CNR2: variants seen among roughly 807,000 people sequenced by gnomAD.
CNR2 encodes the protein cannabinoid receptor 2, also known as cannabinoid receptor 2 (macrophage).
For missense variants in CNR2, 379 were observed against 439.9 expected (o/e 0.86, Z 1.24); for synonymous variants, 172 against 182.2 (o/e 0.94, Z 0.45).
At chr1:23,881,367 C>A (rs776969544) in intron 1 of CNR2, among the ~76,000 whole-genome samples, 7 of 151,804 alleles carry the variant, frequency 4.6e-5, no homozygotes, top group Non-Finnish European at 1.0e-4. Flanking sequence ...GAGGCCGAGG[C>A]GGGCAGATCA....
At chr1:23,893,268 C>A (rs2501399) in intron 1 of CNR2, among the ~76,000 whole-genome samples, 124,294 of 152,030 alleles carry the variant, frequency 0.82, 50,916 homozygotes, top group Admixed American at 0.84. Context: ...CATCTCCAGC[C>A]TCTCTCCTGG....
chr1:23,888,681 A>T (rs1048394685), intron 1 of CNR2, among the ~76,000 whole-genome samples: 4 of 152,176 alleles, frequency 2.6e-5, no homozygotes, highest in Non-Finnish European at 5.9e-5. Context: ...TGATTAAAAA[A>T]GAAAAAAGGC....
intron 1 of CNR2, among the ~76,000 whole-genome samples, chr1:23,892,668 G>T (rs2501398): frequency 0.81 from 123,638 of 152,078 alleles, 50,368 homozygotes; most frequent in Admixed American, 0.83. Flanking sequence ...CTAATGCCTT[G>T]CTTTTATTTT....
intron 1 of CNR2, chr1:23,907,744 C>G (rs982801627): frequency 6.6e-6 from 1 of 152,126 alleles, no homozygotes; most frequent in African/African-American, 2.4e-5. Flanking sequence ...CCACCCACCT[C>G]AGCCTCCCAA....
At chr1:23,903,079 GGGC>G (rs57812017) in intron 1 of CNR2, among the ~76,000 whole-genome samples, 5 of 150,666 alleles carry the variant, frequency 3.3e-5, no homozygotes, top group South Asian at 2.1e-4. Flanking sequence ...CACCATTCAT[GGGC>G]GGCGGCGGCG....
At chr1:23,907,466 G>C (rs1177690630) in intron 1 of CNR2, among the ~76,000 whole-genome samples, 2 of 151,080 alleles carry the variant, frequency 1.3e-5, no homozygotes, top group Non-Finnish European at 2.9e-5. Context: ...ATCTGCAGAG[G>C]AGTTAACACC....
At chr1:23,913,093 T>TGAGGGG (rs749625302) in intron 1 of CNR2, among the ~76,000 whole-genome samples, 153 bp downstream of exon 1, 1 of 16,932 alleles carries the variant, frequency 5.9e-5, no homozygotes, top group Non-Finnish European at 1.0e-3. Flanking sequence ...CTTGAACCTG[T>TGAGGGG]GAGGCTGCAC....
chr1:23,882,817 T>C (rs1640016319), intron 1 of CNR2, among the ~76,000 whole-genome samples: 1 of 151,946 alleles, frequency 6.6e-6, no homozygotes, highest in African/African-American at 2.4e-5. Flanking sequence ...GAGACTCTGT[T>C]CTCAATAAAT....
intron 1 of CNR2, among the ~76,000 whole-genome samples, chr1:23,897,445 T>C (rs2148467155): frequency 6.6e-6 from 1 of 151,164 alleles, no homozygotes; most frequent in African/African-American, 2.4e-5. Flanking sequence ...ACTGAGAACT[T>C]AAAAAAAATT....
intron 1 of CNR2, among the ~76,000 whole-genome samples, chr1:23,876,073 T>G (rs1639869110): frequency 6.6e-6 from 1 of 152,188 alleles, no homozygotes; most frequent in African/African-American, 2.4e-5. Context: ...AATTTGCCAA[T>G]TTCGGCAAGT....
chr1:23,898,641 A>ATTTTT (rs71026701), intron 1 of CNR2, among the ~76,000 whole-genome samples: 1 of 25,298 alleles, frequency 4.0e-5, no homozygotes, highest in African/African-American at 1.7e-4. Context: ...CGCCTGGCCA[A>ATTTTT]TTTTTTTTTT....
chr1:23,874,472 C>T lies in CNR2; in HGVS notation c.*63G>A, dbSNP rs551688994. ...GTAAGAAGAGAGTGCCAAGACCCCT[C>T]TCTCTCTTCCAGGGAGTGAACTGAT... On this transcript the variant is annotated 3_prime_UTR_variant, in exon 2 of 2. Transcript: ENST00000374472. 6.6e-7 allele frequency: 1 copy of T among 1,526,574 alleles called. No homozygotes were observed. The highest frequency in any genetic ancestry group is 1.4e-5 in the African/African-American group (1 of 72,220). The allele number at this position is 1,526,574 out of a possible 1,614,324, so 94.6% of individuals were successfully genotyped here. A position where few individuals can be genotyped will look rare whatever the true frequency, so the allele number is the denominator to read the frequency against.
intron 1 of CNR2, among the ~76,000 whole-genome samples, chr1:23,906,555 T>TG (rs1297680617): frequency 6.6e-6 from 1 of 150,376 alleles, no homozygotes; most frequent in Non-Finnish European, 1.5e-5. Flanking sequence ...TCTTTTTTTT[T>TG]TTTTAGAGAT....
In CNR2 at chr1:23,882,252, G is replaced by A. The variant is rs111910545; in HGVS notation, c.-45-6590C>T. 1.5e-4 allele frequency among the ~76,000 whole-genome samples: 23 copies of A among 152,088 alleles called. 1 individual carries two copies. The highest frequency in any genetic ancestry group is 3.6e-4 in the African/African-American group (15 of 41,498). ...GTATGGATCTTTAAAAACACACTTC[G>A]GGATCCCTTCGTAGTTCATAAGCGT... On this transcript the variant is annotated intron_variant, in intron 1 of 1. Transcript: ENST00000374472.
intron 1 of CNR2, among the ~76,000 whole-genome samples, chr1:23,912,879 G>A (rs924612294): frequency 1.9e-4 from 29 of 152,264 alleles, no homozygotes; most frequent in African/African-American, 7.0e-4. Context: ...TAAGAATACA[G>A]GTTTTGGCCA....
chr1:23,895,835 A>G (rs1220410749), intron 1 of CNR2, among the ~76,000 whole-genome samples: 1 of 152,038 alleles, frequency 6.6e-6, no homozygotes, highest in Non-Finnish European at 1.5e-5. Context: ...ACAAGGTCAG[A>G]TTGGTAAAGA....
intron 1 of CNR2, among the ~76,000 whole-genome samples, chr1:23,889,109 T>G (rs1640142467): frequency 6.6e-6 from 1 of 152,084 alleles, no homozygotes. Flanking sequence ...GTGGGGCTGG[T>G]GTTAGGGGCT....
chr1:23,894,433 A>ATT (rs146585324), intron 1 of CNR2, among the ~76,000 whole-genome samples: 3,040 of 149,746 alleles, frequency 0.02, 104 homozygotes, highest in African/African-American at 0.065. Context: ...AAAAAAAAAA[A>ATT]TTTTTTTAAT....
At chr1:23,877,256 G>A (rs991342198) in intron 1 of CNR2, among the ~76,000 whole-genome samples, 6 of 152,180 alleles carry the variant, frequency 3.9e-5, no homozygotes, top group African/African-American at 1.4e-4. Context: ...ATTTCTGGAA[G>A]TCAAAAATAA....
Sources: allele counts gnomAD v4.1 joint callset (sites outside exome capture counted in the v4.1 genomes callset), GRCh38; gene constraint gnomAD v4.1.1; transcripts MANE v1.5; gene names NCBI Gene and HGNC (gene_info 2026-07-23, HGNC 2026-07-21).